The following SMIM24 variants were observed in gnomAD, a reference collection of about 807,000 sequenced individuals.
SMIM24 encodes small integral membrane protein 24, also known as MAP17-related dimer.
SMIM24 carries 6 observed loss-of-function variants against 10.8 expected under a neutral mutation model. The observed-to-expected ratio is 0.55, with a 90% confidence interval of 0.30 to 1.09. The LOEUF is 1.09. Among genes scored for constraint, SMIM24 ranks in the 50% least tolerant of loss-of-function variants. The pLI is 0.06. For missense variants in SMIM24, 151 were observed against 153.4 expected, an observed-to-expected ratio of 0.98 and a Z score of 0.08; for synonymous variants, 71 against 62.4, an observed-to-expected ratio of 1.14 and a Z score of -0.65.
chr19:3,478,939 G>GT lies in SMIM24; in HGVS notation c.68-11dup. ...AGGCGATGCTCCGTGGCTGCAGGAA[G>GT]TTGGGGAGGTTCGACTCAGAGGAAG... On this transcript the variant is annotated splice_polypyrimidine_tract_variant and intron_variant, in intron 1 of 3. Transcript: ENST00000215531. 1 of 1,548,038 alleles carries GT rather than the reference G, an allele frequency of 6.5e-7. No homozygotes were observed. Among genetic ancestry groups the GT allele is most frequent in the Non-Finnish European group, 8.7e-7 (1 of 1,145,248 alleles).
intron 3 of SMIM24, among the ~76,000 whole-genome samples, chr19:3,476,907 G>T (rs1000283480): frequency 1.4e-5 from 2 of 143,970 alleles, no homozygotes; most frequent in African/African-American, 5.1e-5. Flanking sequence ...TGGGTGGATG[G>T]ATGATGGATT....
At chr19:3,475,329 C>G (rs2122016519) in intron 3 of SMIM24, among the ~76,000 whole-genome samples, 1 of 152,256 alleles carries the variant, frequency 6.6e-6, no homozygotes, top group South Asian at 2.1e-4. Context: ...GAGGTTCACA[C>G]TGCATATCAT....
intron 3 of SMIM24, among the ~76,000 whole-genome samples, chr19:3,476,151 G>C (rs560824569): frequency 1.3e-5 from 2 of 152,062 alleles, no homozygotes; most frequent in East Asian, 3.9e-4. Flanking sequence ...ATGGTTGCAT[G>C]GAGGGAGGGA....
rs1051121152 is a variant in SMIM24 at position 3,480,508 on chromosome 19, G to A, written c.-45C>T. On this transcript the variant is annotated 5_prime_UTR_variant, in exon 1 of 4. Transcript: ENST00000215531. ...AGCCAGCCAGCGGCGGTCCCGGGTC[G>A]GCGTCCACAGGTTTGGTGTGGGCGA... 7.2e-6 allele frequency: 11 copies of A among 1,537,964 alleles called. No individual in the cohort carries two copies. The highest frequency in any genetic ancestry group is 1.4e-5 in the African/African-American group (1 of 72,802).
chr19:3,478,731 G>A (rs1475717642), intron 2 of SMIM24, 87 bp downstream of exon 2: 31 of 1,100,740 alleles, frequency 2.8e-5, no homozygotes, highest in Non-Finnish European at 3.9e-5. Context: ...CGGACTTTGA[G>A]GCTGGTGATG....
At position 3,475,760 on chromosome 19, in the gene SMIM24, A is replaced by C. The variant is rs145955554; in HGVS notation, c.240-764T>G. On this transcript the variant is annotated intron_variant, in intron 3 of 3. Coordinates refer to ENST00000215531, the MANE Select transcript of SMIM24 (RefSeq NM_001136503.2). ...AATTAATGAATGGGTGGGTGAACAG[A>C]TGGGTGACTGAGTTGGCGAATGAAT... is the stretch of plus-strand genomic sequence containing the variant. Among the ~76,000 whole-genome samples the C allele has an allele frequency of 1.6e-3, 237 of 151,596 alleles. 1 individual carries two copies. The highest frequency in any genetic ancestry group is 5.4e-3 in the African/African-American group (225 of 41,292).
At position 3,474,714 on chromosome 19, in the gene SMIM24, T is replaced by G. The variant is rs1270053067; in HGVS notation, c.*129A>C. 2.4e-6 allele frequency: 3 copies of G among 1,259,640 alleles called. No individual in the cohort carries two copies. Among genetic ancestry groups the G allele is most frequent in the Non-Finnish European group, 3.2e-6 (3 of 942,072 alleles). 78.0% of individuals were successfully genotyped at this position (1,259,640 alleles called of 1,614,324 possible). ...GAGGTGGGGTGGGTTCCAAGCCTTC[T>G]TCACTTGAGAACACTGTATTCTGAA... On this transcript the variant is annotated 3_prime_UTR_variant, in exon 4 of 4. Transcript: ENST00000215531.
In SMIM24 at chr19:3,475,085, G is replaced by C. The variant is rs2082787340; in HGVS notation, c.240-89C>G. ...TCACTTGAGCCAGCCCATGTGATGA[G>C]TATTTTACAAGCGGTATCTCAGTGA... On this transcript the variant is annotated intron_variant, in intron 3 of 3. Transcript: ENST00000215531. 4 of 1,386,016 alleles carry C rather than the reference G, an allele frequency of 2.9e-6. No homozygotes were observed. The Admixed American group carries it at 9.7e-5, about 34-fold the overall frequency. 85.9% of individuals were successfully genotyped at this position (1,386,016 alleles called of 1,614,324 possible).
intron 1 of SMIM24, 129 bp from the exon 2 acceptor site, chr19:3,479,058 C>T: frequency 3.0e-6 from 2 of 662,198 alleles, no homozygotes; most frequent in East Asian, 3.1e-5. Flanking sequence ...TGGAAAGGGA[C>T]GGAGCTTCAG....
chr19:3,478,392 G>A (rs1376397388), intron 3 of SMIM24, 27 bp downstream of exon 3: 16 of 1,544,340 alleles, frequency 1.0e-5, no homozygotes, highest in Non-Finnish European at 1.2e-5. Flanking sequence ...GGTTCACACA[G>A]ACCCCCAGCA....
intron 3 of SMIM24, among the ~76,000 whole-genome samples, chr19:3,477,357 T>A (rs1348533803): frequency 1.9e-5 from 2 of 104,234 alleles, no homozygotes; most frequent in Non-Finnish European, 3.9e-5. Flanking sequence ...GGGTAGGTGA[T>A]GGGTGGATGG....
Position 3,475,006 on chromosome 19 carries a change from T to TAAGTGAAGAGAG in SMIM24, c.240-11_240-10insCTCTCTTCACTT. 6.4e-7 allele frequency: 1 copy of TAAGTGAAGAGAG among 1,550,640 alleles called. No individual in the cohort carries two copies. The highest frequency in any genetic ancestry group is 1.4e-5 in the African/African-American group (1 of 73,030). ...CTCTCTCTTGTCTTCACTGTAGGGA[T>TAAGTGAAGAGAG]ACAAAGGCCCCAAACCATAATAAGA... is the stretch of plus-strand genomic sequence containing the variant. On this transcript the variant is annotated splice_polypyrimidine_tract_variant and intron_variant, in intron 3 of 3. Coordinates refer to ENST00000215531, the MANE Select transcript of SMIM24 (RefSeq NM_001136503.2).
Position 3,480,509 on chromosome 19 carries a change from GC to G in SMIM24, c.-47del. The G allele has an allele frequency of 6.5e-7, 1 of 1,538,704 alleles. No homozygotes were observed. ...GCCAGCCAGCGGCGGTCCCGGGTCG[GC>G]GTCCACAGGTTTGGTGTGGGCGAGG... On this transcript the variant is annotated 5_prime_UTR_variant, in exon 1 of 4. Coordinates refer to ENST00000215531, the MANE Select transcript of SMIM24 (RefSeq NM_001136503.2).
chr19:3,480,164 G>A (rs2082812323), intron 1 of SMIM24, among the ~76,000 whole-genome samples: 1 of 151,596 alleles, frequency 6.6e-6, no homozygotes, highest in Non-Finnish European at 1.5e-5. Context: ...GTGCTCAGAA[G>A]GGCTGGAGAG....
At position 3,478,433 on chromosome 19, in the gene SMIM24, T is replaced by C. The variant is rs948240768; in HGVS notation, c.225A>G (p.Leu75=). 11 of 1,549,152 alleles carry C rather than the reference T, an allele frequency of 7.1e-6. No individual in the cohort carries two copies. The highest frequency in any genetic ancestry group is 9.6e-6 in the Non-Finnish European group (11 of 1,146,306). Reference sequence around the variant, plus strand: ...ACGCATAGTACCTCTGGTCCTGGTATAGGTTGGACTCCATTCTGAACGTGG... The same window carrying C: ...ACGCATAGTACCTCTGGTCCTGGTACAGGTTGGACTCCATTCTGAACGTGG... ...EETTFRMESN[L]YQDQSEDKRE... Residue 75 remains leucine (L), a synonymous_variant, in exon 3 of 4, where the codon CTA becomes CTG. Coordinates refer to ENST00000215531, the MANE Select transcript of SMIM24 (RefSeq NM_001136503.2).
Position 3,474,938 on chromosome 19 carries a change from TC to T in SMIM24, c.297del (p.Lys101ArgfsTer61). ...AKEKEEKRKKEKKTAKEGESN... is the reference protein window; with the variant it reads ...AKEKEEKRKKXKKTAKEGESN... The stretch of plus-strand genomic sequence containing the variant: ...CTCTCTCCTTCCTTTGCTGTCTTTT[TC>T]TCCTTCTTCCTCTTCTCTTCTTTCT... On this transcript the variant is annotated frameshift_variant, in exon 4 of 4. Coordinates refer to ENST00000215531, the MANE Select transcript of SMIM24 (RefSeq NM_001136503.2). LOFTEE classifies it low-confidence loss of function (END_TRUNC). 6.4e-7 allele frequency: 1 copy of T among 1,551,690 alleles called. No homozygotes were observed. The highest frequency in any genetic ancestry group is 8.7e-7 in the Non-Finnish European group (1 of 1,146,994).
intron 1 of SMIM24, among the ~76,000 whole-genome samples, chr19:3,480,186 G>C (rs1450941245): frequency 2.0e-5 from 3 of 151,788 alleles, no homozygotes; most frequent in African/African-American, 7.3e-5. Context: ...GGAAAGGCTC[G>C]GGTGGGCGGT....
chr19:3,479,100 T>C (rs1189786278), intron 1 of SMIM24, 171 bp from the exon 2 acceptor site: 17 of 536,242 alleles, frequency 3.2e-5, no homozygotes, highest in African/African-American at 3.1e-4. Flanking sequence ...GTCGGGAGGG[T>C]TTAGAGAGGG....
chr19:3,479,206 A>C, intron 1 of SMIM24: 11 of 316,534 alleles, frequency 3.5e-5, no homozygotes, highest in Middle Eastern at 9.4e-4. Context: ...GAGTTTACAA[A>C]TCAGGAGGGC....
Sources: gnomAD v4.1 joint callset for allele counts (sites outside exome capture counted in the v4.1 genomes callset) on GRCh38, gnomAD v4.1.1 for gene constraint, MANE v1.5 for transcripts, NCBI Gene and HGNC (gene_info 2026-07-23, HGNC 2026-07-21) for gene names.